The following KIAA2012 variants were observed in gnomAD, a reference collection of about 807,000 sequenced individuals.
The protein encoded by KIAA2012 is uncharacterized protein KIAA2012.
KIAA2012 carries 125 observed loss-of-function variants against 150.6 expected under a neutral mutation model. The observed-to-expected ratio is 0.83, with a 90% CI of 0.72 to 0.96. The LOEUF is 0.96. Among genes scored for constraint, KIAA2012 ranks in the 40% least tolerant of loss-of-function variants. KIAA2012 has a pLI of 0.00. For synonymous variants in KIAA2012, 462 were observed against 504.7 expected, an observed-to-expected ratio of 0.92 and a Z score of 1.13; for missense variants, 1,219 against 1,354.9, an observed-to-expected ratio of 0.90 and a Z score of 1.57.
intron 2 of KIAA2012, among the ~76,000 whole-genome samples, chr2:202,079,955 C>T (rs1689410041): frequency 6.6e-6 from 1 of 152,200 alleles, no homozygotes; most frequent in South Asian, 2.1e-4. Flanking sequence ...TGTATAACCT[C>T]ATTCAATCTG....
At chr2:202,164,380 G>T (rs1691715277) in intron 14 of KIAA2012, among the ~76,000 whole-genome samples, 1 of 152,220 alleles carries the variant, frequency 6.6e-6, no homozygotes, top group African/African-American at 2.4e-5. Context: ...ATTATTTGGA[G>T]TTAGGACCTG....
Position 202,129,740 on chromosome 2 carries a change from G to A in KIAA2012, c.1831+4458G>A, listed in dbSNP as rs139662532. Among the ~76,000 whole-genome samples the A allele has an allele frequency of 1.8e-3, 281 of 152,192 alleles. 1 individual carries two copies. The highest frequency in any genetic ancestry group is 3.1e-3 in the Non-Finnish European group (212 of 68,026). The stretch of plus-strand genomic sequence containing the variant: ...AATCTCAGCACTTTGGGAGGCCAAG[G>A]TTGGAGAATTACTTGAGGCTAGGAT... On this transcript the variant is annotated intron_variant, in intron 12 of 23. Transcript: ENST00000498697.
chr2:202,199,800 G>A (rs1295872923), intron 22 of KIAA2012, among the ~76,000 whole-genome samples: 2 of 152,050 alleles, frequency 1.3e-5, no homozygotes, highest in Admixed American at 6.6e-5. Context: ...CCAAATGAGT[G>A]GCTGCATCAG....
chr2:202,178,924 C>T (rs929407953), intron 15 of KIAA2012: 2 of 210,612 alleles, frequency 9.5e-6, no homozygotes, highest in Non-Finnish European at 1.9e-5. Flanking sequence ...CATTGAAAAA[C>T]AGATTAACTG....
At chr2:202,188,028 A>T in intron 17 of KIAA2012, 124 bp from the exon 18 acceptor site, 1 of 731,076 alleles carries the variant, frequency 1.4e-6, no homozygotes, top group Middle Eastern at 2.6e-4. Flanking sequence ...CTTCTGCTTT[A>T]CCTGGAACCC....
chr2:202,127,521 T>C (rs186104844), intron 12 of KIAA2012, among the ~76,000 whole-genome samples: 1 of 152,184 alleles, frequency 6.6e-6, no homozygotes, highest in African/African-American at 2.4e-5. Context: ...GGGGCTCAGA[T>C]GAACAGCAGA....
chr2:202,099,585 A>G, intron 5 of KIAA2012, 28 bp from the exon 6 acceptor site: 1 of 1,527,810 alleles, frequency 6.5e-7, no homozygotes, highest in Middle Eastern at 1.9e-4. Context: ...CAGCCTGTTT[A>G]CAGGAATGTG....
At chr2:202,125,319 T>C in intron 12 of KIAA2012, 37 bp downstream of exon 12, 1 of 1,469,456 alleles carries the variant, frequency 6.8e-7, no homozygotes. Flanking sequence ...TCGACTTCTC[T>C]ATGTAATTTG....
At chr2:202,175,709 A>G (rs1691977189) in intron 15 of KIAA2012, among the ~76,000 whole-genome samples, 3 of 152,240 alleles carry the variant, frequency 2.0e-5, no homozygotes, top group African/African-American at 7.2e-5. Flanking sequence ...CCCACAAGAA[A>G]TAAATTTCTG....
At chr2:202,076,176 C>G (rs1451476533) in intron 2 of KIAA2012, among the ~76,000 whole-genome samples, 1 of 152,192 alleles carries the variant, frequency 6.6e-6, no homozygotes, top group Non-Finnish European at 1.5e-5. Context: ...CCTCCCTCCT[C>G]TGCAAACATT....
chr2:202,165,986 A>G (rs1032522023), intron 15 of KIAA2012, among the ~76,000 whole-genome samples: 2 of 152,210 alleles, frequency 1.3e-5, no homozygotes, highest in Admixed American at 6.5e-5. Context: ...GCAGAGTGAC[A>G]CTAGACAGGG....
chr2:202,182,234 C>T (rs946699238), intron 15 of KIAA2012, among the ~76,000 whole-genome samples: 10 of 151,330 alleles, frequency 6.6e-5, no homozygotes. Context: ...GCCTCAGCCT[C>T]CCGAGTAGCT....
At chr2:202,200,313 A>T (rs1692492803) in intron 22 of KIAA2012, among the ~76,000 whole-genome samples, 1 of 152,124 alleles carries the variant, frequency 6.6e-6, no homozygotes, top group Admixed American at 6.6e-5. Context: ...TTTTTCTGGC[A>T]CCAAAACAAA....
At chr2:202,183,665 C>G (rs1056881646) in intron 15 of KIAA2012, among the ~76,000 whole-genome samples, 1 of 151,838 alleles carries the variant, frequency 6.6e-6, no homozygotes, top group Admixed American at 6.6e-5. Flanking sequence ...CACCACCACA[C>G]CCAGCTAATT....
chr2:202,165,237 G>A, intron 14 of KIAA2012, 47 bp from the exon 15 acceptor site: 1 of 1,510,434 alleles, frequency 6.6e-7, no homozygotes, highest in Non-Finnish European at 9.0e-7. Context: ...TTAAGTGTTT[G>A]CATTTATTAT....
chr2:202,143,075 A>ATTTTTTTT (rs59488285), intron 13 of KIAA2012, among the ~76,000 whole-genome samples: 4 of 124,986 alleles, frequency 3.2e-5, no homozygotes, highest in Non-Finnish European at 4.9e-5. Flanking sequence ...CACTGGTTTA[A>ATTTTTTTT]TTTTTTTTTT....
At chr2:202,113,583 C>A in intron 11 of KIAA2012, 137 bp downstream of exon 11, 2 of 615,954 alleles carry the variant, frequency 3.2e-6, no homozygotes, top group South Asian at 2.0e-5. Flanking sequence ...CCCCTTTCAC[C>A]GACACAGAGG....
intron 15 of KIAA2012, among the ~76,000 whole-genome samples, chr2:202,166,055 ACT>A (rs1691753595): frequency 6.6e-6 from 1 of 152,200 alleles, no homozygotes; most frequent in South Asian, 2.1e-4. Flanking sequence ...GAATGTGAAC[ACT>A]GACAGGGCTC....
chr2:202,122,998 C>G (rs1393262996), intron 11 of KIAA2012, among the ~76,000 whole-genome samples: 1 of 152,136 alleles, frequency 6.6e-6, no homozygotes, highest in Non-Finnish European at 1.5e-5. Context: ...CACCAGCACA[C>G]AGAAAAAAAT....
Sources: allele counts gnomAD v4.1 joint callset (sites outside exome capture counted in the v4.1 genomes callset), GRCh38; gene constraint gnomAD v4.1.1; transcripts MANE v1.5; gene names NCBI Gene and HGNC (gene_info 2026-07-23, HGNC 2026-07-21).